TRERF1: variants seen among roughly 807,000 people sequenced by gnomAD.
TRERF1 encodes the protein transcriptional regulating factor 1, also known as transcriptional-regulating factor 1.
A neutral mutation model predicts 122.9 loss-of-function variants in TRERF1; 27 were observed. The observed-to-expected ratio is 0.22, with a 90% CI of 0.16 to 0.30. TRERF1 has a LOEUF of 0.30. Ranked by LOEUF, TRERF1 falls within the 10% of genes least tolerant of loss-of-function variation. TRERF1 has a pLI of 1.00. For synonymous variants in TRERF1, 636 were observed against 641.7 expected (o/e 0.99, Z 0.13); for missense variants, 1,248 against 1,560.3 (o/e 0.80, Z 3.37).
At chr6:42,362,375 G>C (rs1238054227) in intron 3 of TRERF1, among the ~76,000 whole-genome samples, 1 of 152,220 alleles carries the variant, frequency 6.6e-6, no homozygotes, top group African/African-American at 2.4e-5. Flanking sequence ...CTGTCGCCAA[G>C]AATGTGTGGA....
chr6:42,342,575 A>AAAAAG (rs543499569), intron 3 of TRERF1, among the ~76,000 whole-genome samples: 40 of 152,284 alleles, frequency 2.6e-4, no homozygotes, highest in African/African-American at 7.7e-4. Flanking sequence ...AGGCTCAAAA[A>AAAAAG]AAAAGAAAAG....
intron 3 of TRERF1, among the ~76,000 whole-genome samples, chr6:42,349,837 C>G (rs935466331): frequency 2.0e-5 from 3 of 152,170 alleles, no homozygotes; most frequent in Non-Finnish European, 4.4e-5. Flanking sequence ...CAATATCCCA[C>G]TGATTTATTT....
chr6:42,445,797 C>T (rs910042024), intron 2 of TRERF1, among the ~76,000 whole-genome samples: 8 of 152,204 alleles, frequency 5.3e-5, no homozygotes, highest in African/African-American at 1.9e-4. Flanking sequence ...CCTCCTCCTC[C>T]ACCTGCCTCT....
intron 5 of TRERF1, among the ~76,000 whole-genome samples, chr6:42,266,627 ACTTT>A (rs1216049584): frequency 1.3e-5 from 2 of 152,158 alleles, no homozygotes; most frequent in Non-Finnish European, 2.9e-5. Flanking sequence ...CTCCATCAGA[ACTTT>A]CTTTCTATCC....
At chr6:42,277,824 A>T (rs866753580) in intron 4 of TRERF1, among the ~76,000 whole-genome samples, 1 of 132,920 alleles carries the variant, frequency 7.5e-6, no homozygotes, top group African/African-American at 3.1e-5. Flanking sequence ...GCCCTATCTC[A>T]AAATAAATAA....
At chr6:42,307,336 A>G (rs940673295) in intron 3 of TRERF1, among the ~76,000 whole-genome samples, 1 of 152,158 alleles carries the variant, frequency 6.6e-6, no homozygotes, top group African/African-American at 2.4e-5. Flanking sequence ...CAGGTTTATC[A>G]CGTTCATCCT....
intron 4 of TRERF1, among the ~76,000 whole-genome samples, chr6:42,278,303 G>C (rs999183987): frequency 1.3e-5 from 2 of 152,210 alleles, no homozygotes; most frequent in African/African-American, 2.4e-5. Context: ...CTAGGGAGGG[G>C]AGGCGATGTT....
chr6:42,245,321 G>A (rs1371541611), intron 14 of TRERF1, among the ~76,000 whole-genome samples: 3 of 152,206 alleles, frequency 2.0e-5, no homozygotes, highest in African/African-American at 7.2e-5. Flanking sequence ...AGGCGGAGGC[G>A]AGGCGGAGGC....
At chr6:42,419,128 C>T (rs927791367) in intron 2 of TRERF1, among the ~76,000 whole-genome samples, 1 of 152,132 alleles carries the variant, frequency 6.6e-6, no homozygotes, top group Admixed American at 6.5e-5. Flanking sequence ...GCTTTTTAAA[C>T]GAACTATTTG....
intron 2 of TRERF1, among the ~76,000 whole-genome samples, chr6:42,440,047 AG>A (rs1177170755): frequency 2.0e-5 from 3 of 152,162 alleles, no homozygotes; most frequent in Non-Finnish European, 2.9e-5. Flanking sequence ...TTGTCAGCAA[AG>A]CCACCCACCG....
chr6:42,375,890 C>A (rs1774753341), intron 2 of TRERF1, among the ~76,000 whole-genome samples: 1 of 152,122 alleles, frequency 6.6e-6, no homozygotes, highest in African/African-American at 2.4e-5. Flanking sequence ...AGGCAAGGGG[C>A]TTGTCTCAAA....
At chr6:42,340,511 T>C (rs1270477687) in intron 3 of TRERF1, among the ~76,000 whole-genome samples, 1 of 152,232 alleles carries the variant, frequency 6.6e-6, no homozygotes, top group Non-Finnish European at 1.5e-5. Flanking sequence ...GTATTAGCTT[T>C]GTTTCTTCTT....
intron 3 of TRERF1, among the ~76,000 whole-genome samples, chr6:42,313,081 C>A (rs998199228): frequency 4.6e-5 from 7 of 152,152 alleles, no homozygotes; most frequent in African/African-American, 1.7e-4. Context: ...AAAGGCAGGG[C>A]TGGCTGTGTA....
intron 2 of TRERF1, among the ~76,000 whole-genome samples, chr6:42,418,266 C>CTTTTTTTTTT: frequency 2.7e-5 from 1 of 37,014 alleles, no homozygotes; most frequent in African/African-American, 1.2e-4. Flanking sequence ...TTCTTTCTTT[C>CTTTTTTTTTT]TTTTTTTTTT....
intron 2 of TRERF1, among the ~76,000 whole-genome samples, chr6:42,386,049 T>C (rs1776747229): frequency 6.6e-6 from 1 of 152,170 alleles, no homozygotes. Flanking sequence ...AATCTCTGTT[T>C]TGGGATAGAA....
chr6:42,443,020 A>T (rs1446062077), intron 2 of TRERF1, among the ~76,000 whole-genome samples: 1 of 152,218 alleles, frequency 6.6e-6, no homozygotes, highest in East Asian at 1.9e-4. Flanking sequence ...TATGTCAAAG[A>T]GGCTTTGGAA....
chr6:42,243,731 C>T (rs1281939516), intron 14 of TRERF1, among the ~76,000 whole-genome samples: 1 of 151,982 alleles, frequency 6.6e-6, no homozygotes, highest in African/African-American at 2.4e-5. Flanking sequence ...CAGGCATCCG[C>T]CACCATGCCC....
chr6:42,384,492 C>T (rs1056822912), intron 2 of TRERF1, among the ~76,000 whole-genome samples: 1 of 152,152 alleles, frequency 6.6e-6, no homozygotes, highest in Non-Finnish European at 1.5e-5. Flanking sequence ...ACCCCAAAAG[C>T]TAATAAAAGT....
intron 3 of TRERF1, among the ~76,000 whole-genome samples, chr6:42,331,051 G>C (rs1765153724): frequency 6.6e-6 from 1 of 152,158 alleles, no homozygotes; most frequent in South Asian, 2.1e-4. Flanking sequence ...TGGGTAAATA[G>C]AAGGCACAGG....
Sources: allele counts gnomAD v4.1 joint callset (sites outside exome capture counted in the v4.1 genomes callset), GRCh38; gene constraint gnomAD v4.1.1; transcripts MANE v1.5; gene names NCBI Gene and HGNC (gene_info 2026-07-23, HGNC 2026-07-21).